MAML3: variants seen among roughly 807,000 people sequenced by gnomAD.
The protein encoded by MAML3 is mastermind like transcriptional coactivator 3, also known as mastermind-like protein 3.
MAML3 carries 27 observed loss-of-function variants against 101.9 expected under a neutral mutation model. That is an observed-to-expected ratio of 0.27 (90% CI 0.20 to 0.37). The LOEUF (loss-of-function observed/expected upper bound fraction) is 0.37, where lower values mean the gene tolerates loss of function less well. MAML3 is among the 10% of genes least tolerant of loss of function. The pLI is 1.00. For synonymous variants in MAML3, 501 were observed against 555.9 expected (o/e 0.90, Z 1.39); for missense variants, 1,316 against 1,444.9 (o/e 0.91, Z 1.45).
chr4:140,084,234 C>T (rs1222335338), intron 1 of MAML3, among the ~76,000 whole-genome samples: 1 of 152,186 alleles, frequency 6.6e-6, no homozygotes, highest in Non-Finnish European at 1.5e-5. Context: ...AAGCAAAGGG[C>T]CGATGACTAC....
At chr4:139,885,149 C>T (rs189728756) in intron 2 of MAML3, among the ~76,000 whole-genome samples, 288 of 152,182 alleles carry the variant, frequency 1.9e-3, no homozygotes, top group African/African-American at 6.4e-3. Flanking sequence ...GCCTGTAATC[C>T]CAGCACTATG....
chr4:139,830,600 G>C (rs1394460771), intron 2 of MAML3, among the ~76,000 whole-genome samples: 11 of 151,728 alleles, frequency 7.2e-5, no homozygotes. Flanking sequence ...ATTTTTAGTA[G>C]AGACGGGGTT....
At chr4:139,987,522 G>C (rs1209384221) in intron 1 of MAML3, among the ~76,000 whole-genome samples, 1 of 152,102 alleles carries the variant, frequency 6.6e-6, no homozygotes, top group Non-Finnish European at 1.5e-5. Context: ...AGAAAAATCA[G>C]CCTCTCTGTG....
chr4:140,057,025 C>T (rs1021445498), intron 1 of MAML3, among the ~76,000 whole-genome samples: 3 of 152,066 alleles, frequency 2.0e-5, no homozygotes, highest in African/African-American at 4.8e-5. Context: ...AGTAACTTGC[C>T]CAAATCAGAA....
chr4:140,049,211 C>T (rs1027797962), intron 1 of MAML3, among the ~76,000 whole-genome samples: 12 of 152,158 alleles, frequency 7.9e-5, no homozygotes, highest in African/African-American at 2.9e-4. Context: ...ATTCACCTCC[C>T]CCATTCTTTC....
At chr4:139,782,958 T>C (rs1275751268) in intron 2 of MAML3, among the ~76,000 whole-genome samples, 5 of 152,174 alleles carry the variant, frequency 3.3e-5, no homozygotes, top group African/African-American at 1.2e-4. Context: ...GCTCCAAATT[T>C]GGCTTTAGGC....
At chr4:139,778,086 G>A (rs1422665538) in intron 2 of MAML3, among the ~76,000 whole-genome samples, 2 of 152,188 alleles carry the variant, frequency 1.3e-5, no homozygotes, top group Admixed American at 6.5e-5. Context: ...TGTTCATGAC[G>A]GTATTCTCAA....
chr4:140,129,640 GAA>G (rs1254803045), intron 1 of MAML3, among the ~76,000 whole-genome samples: 3 of 152,008 alleles, frequency 2.0e-5, no homozygotes, highest in Non-Finnish European at 2.9e-5. Flanking sequence ...ATACAGCAAC[GAA>G]AAGACCCCAA....
chr4:139,902,259 A>G (rs78348250), intron 1 of MAML3, among the ~76,000 whole-genome samples: 3,921 of 54,700 alleles, frequency 0.072, 67 homozygotes, highest in Middle Eastern at 0.22. Context: ...ACACGCACAC[A>G]CACGCACACA....
intron 3 of MAML3, among the ~76,000 whole-genome samples, chr4:139,729,463 A>G (rs1239312805): frequency 6.6e-6 from 1 of 152,152 alleles, no homozygotes; most frequent in African/African-American, 2.4e-5. Context: ...CTATTTCTTT[A>G]AGAAAAAATT....
intron 1 of MAML3, among the ~76,000 whole-genome samples, chr4:139,920,700 A>G (rs1717104605): frequency 6.6e-6 from 1 of 152,170 alleles, no homozygotes; most frequent in African/African-American, 2.4e-5. Flanking sequence ...TCCTTAATAG[A>G]GCAGAATTAA....
chr4:139,865,615 G>A (rs529180696), intron 2 of MAML3, among the ~76,000 whole-genome samples: 1 of 148,768 alleles, frequency 6.7e-6, no homozygotes, highest in African/African-American at 2.5e-5. Context: ...TTTTCCTCTT[G>A]TTTAACTCTT....
At chr4:139,796,580 T>A (rs113630929) in intron 2 of MAML3, among the ~76,000 whole-genome samples, 9 of 152,016 alleles carry the variant, frequency 5.9e-5, no homozygotes, top group East Asian at 1.9e-4. Flanking sequence ...CCCTCAGAAG[T>A]AAGGGAATAA....
chr4:140,069,702 A>G (rs375474787), intron 1 of MAML3, among the ~76,000 whole-genome samples: 74 of 146,800 alleles, frequency 5.0e-4, no homozygotes, highest in African/African-American at 1.6e-3. Context: ...GAAGAAGAAG[A>G]AGGAGGAAGA....
At chr4:140,075,183 C>A (rs1424022961) in intron 1 of MAML3, among the ~76,000 whole-genome samples, 2 of 152,118 alleles carry the variant, frequency 1.3e-5, no homozygotes, top group Non-Finnish European at 2.9e-5. Flanking sequence ...CATAAGAAGG[C>A]TGAAGTTTGG....
intron 2 of MAML3, among the ~76,000 whole-genome samples, chr4:139,772,590 G>A (rs1730018498): frequency 6.6e-6 from 1 of 151,652 alleles, no homozygotes; most frequent in Middle Eastern, 3.4e-3. Context: ...TAATCCACCT[G>A]CCTCGGCCTC....
intron 2 of MAML3, among the ~76,000 whole-genome samples, chr4:139,749,922 T>C (rs1729452117): frequency 7.3e-6 from 1 of 137,564 alleles, no homozygotes; most frequent in East Asian, 2.3e-4. Flanking sequence ...GTGGAATTCA[T>C]GTTATTTGAA....
intron 2 of MAML3, among the ~76,000 whole-genome samples, chr4:139,885,954 A>G (rs1480094321): frequency 7.0e-6 from 1 of 143,152 alleles, no homozygotes; most frequent in Non-Finnish European, 1.5e-5. Flanking sequence ...AAAAAAAAAA[A>G]AAAGAAAGAG....
intron 1 of MAML3, among the ~76,000 whole-genome samples, chr4:139,913,726 A>C (rs1251982947): frequency 1.3e-5 from 2 of 152,228 alleles, no homozygotes; most frequent in Non-Finnish European, 2.9e-5. Context: ...TCTTAACAGA[A>C]GACTACGGCG....
Sources: allele counts gnomAD v4.1 joint callset (sites outside exome capture counted in the v4.1 genomes callset), GRCh38; gene constraint gnomAD v4.1.1; transcripts MANE v1.5; gene names NCBI Gene and HGNC (gene_info 2026-07-23, HGNC 2026-07-21).